TTBK2: variants seen among roughly 807,000 people sequenced by gnomAD.
TTBK2 encodes tau-tubulin kinase 2.
A neutral mutation model predicts 110.8 loss-of-function variants in TTBK2; 28 were observed. The ratio of observed to expected loss-of-function variants is 0.25; its 90% CI spans 0.19 to 0.35. The LOEUF (loss-of-function observed/expected upper bound fraction) is 0.35. Ranked by LOEUF, TTBK2 falls within the 10% of genes least tolerant of loss-of-function variation. TTBK2 has a pLI of 1.00. For synonymous variants in TTBK2, 532 were observed against 527.3 expected, an observed-to-expected ratio of 1.01 and a Z score of -0.12; for missense variants, 1,369 against 1,500.3, an observed-to-expected ratio of 0.91 and a Z score of 1.45.
chr15:42,823,508 C>T (rs1010272236), intron 6 of TTBK2, among the ~76,000 whole-genome samples: 1 of 152,158 alleles, frequency 6.6e-6, no homozygotes, highest in African/African-American at 2.4e-5. Flanking sequence ...CTCTGTAATG[C>T]CTTCTGACTG....
At chr15:42,910,089 T>G (rs1596050387) in intron 1 of TTBK2, among the ~76,000 whole-genome samples, 1 of 152,194 alleles carries the variant, frequency 6.6e-6, no homozygotes, top group East Asian at 1.9e-4. Flanking sequence ...GGCTTTATAA[T>G]TATTCCTTAA....
At chr15:42,791,477 T>G (rs532362553) in intron 10 of TTBK2, among the ~76,000 whole-genome samples, 1 of 147,710 alleles carries the variant, frequency 6.8e-6, no homozygotes, top group African/African-American at 2.6e-5. Flanking sequence ...TTATCTCATT[T>G]TCATTCTCTC....
chr15:42,851,778 C>T (rs922667554), intron 3 of TTBK2, among the ~76,000 whole-genome samples: 5 of 151,924 alleles, frequency 3.3e-5, no homozygotes, highest in South Asian at 4.1e-4. Flanking sequence ...CACAGGAAAC[C>T]GGTAACAGTA....
rs1253201527 is a variant in TTBK2 at position 42,752,426 on chromosome 15, A to G, written c.2820T>C (p.Thr940=). ...RKDMVRSSFV[T]RHSRIPVLAQ... Reference sequence around the variant, plus strand: ...CTAAAACAGGGATTCGGCTGTGTCTAGTTACAAAGGATGACCTAACCATAT... The same window carrying G: ...CTAAAACAGGGATTCGGCTGTGTCTGGTTACAAAGGATGACCTAACCATAT... The change falls in exon 14 of 15, where the codon ACT becomes ACC. Residue 940 remains threonine (T), a synonymous_variant. Coordinates refer to ENST00000267890, the MANE Select transcript of TTBK2 (RefSeq NM_173500.4). 6.2e-6 allele frequency: 10 copies of G among 1,614,080 alleles called. No individual in the cohort carries two copies. In the African/African-American group the frequency reaches 1.3e-4, roughly 22 times the overall value.
chr15:42,796,288 C>T (rs192162261), intron 9 of TTBK2, among the ~76,000 whole-genome samples: 3 of 152,178 alleles, frequency 2.0e-5, no homozygotes, highest in East Asian at 1.9e-4. Context: ...CCTGTAGTCC[C>T]GGCCACTCGG....
At chr15:42,917,296 C>T (rs1596058700) in intron 1 of TTBK2, among the ~76,000 whole-genome samples, 1 of 151,856 alleles carries the variant, frequency 6.6e-6, no homozygotes, top group South Asian at 2.1e-4. Flanking sequence ...TATATGTTCA[C>T]TTAAGCATCA....
chr15:42,778,629 T>C (rs1043569939), intron 11 of TTBK2, among the ~76,000 whole-genome samples: 1 of 151,958 alleles, frequency 6.6e-6, no homozygotes, highest in Non-Finnish European at 1.5e-5. Flanking sequence ...GATCGTGCCA[T>C]TGCACTCCAG....
intron 1 of TTBK2, among the ~76,000 whole-genome samples, chr15:42,883,211 G>A (rs1032091502): frequency 5.3e-5 from 8 of 151,632 alleles, no homozygotes; most frequent in African/African-American, 7.3e-5. Flanking sequence ...GAGAAACCCC[G>A]TCTCTTCTAA....
chr15:42,883,101 G>A (rs909286268), intron 1 of TTBK2, among the ~76,000 whole-genome samples: 1 of 152,158 alleles, frequency 6.6e-6, no homozygotes, highest in African/African-American at 2.4e-5. Flanking sequence ...AAGGTAGAGG[G>A]CTGGGCGCGG....
At chr15:42,881,486 T>C (rs1253702487) in intron 1 of TTBK2, among the ~76,000 whole-genome samples, 1 of 151,742 alleles carries the variant, frequency 6.6e-6, no homozygotes, top group East Asian at 1.9e-4. Context: ...TTAGGACTTA[T>C]CAGGAAAAAT....
chr15:42,895,350 C>G (rs549893906), intron 1 of TTBK2, among the ~76,000 whole-genome samples: 1 of 152,012 alleles, frequency 6.6e-6, no homozygotes, highest in South Asian at 2.1e-4. Flanking sequence ...ATTGAGGGTA[C>G]AGGGTAGGAA....
At chr15:42,771,481 T>C (rs142895257) in intron 13 of TTBK2, among the ~76,000 whole-genome samples, 204 of 152,242 alleles carry the variant, frequency 1.3e-3, no homozygotes, top group African/African-American at 4.8e-3. Context: ...ACCTGACAGG[T>C]TGGTGCCAAC....
chr15:42,843,677 T>C (rs538502550), intron 3 of TTBK2, among the ~76,000 whole-genome samples: 185 of 147,142 alleles, frequency 1.3e-3, no homozygotes, highest in African/African-American at 4.5e-3. Flanking sequence ...AAGAATCGCT[T>C]GAACCCGGGA....
chr15:42,828,081 C>G (rs775455310), intron 5 of TTBK2, 49 bp from the exon 6 acceptor site: 133 of 1,397,906 alleles, frequency 9.5e-5, no homozygotes, highest in Admixed American at 3.9e-4. Flanking sequence ...ATACTTAGTC[C>G]TTACATTTTA....
intron 13 of TTBK2, among the ~76,000 whole-genome samples, chr15:42,767,839 T>C (rs145244883): frequency 1.3e-5 from 2 of 152,202 alleles, no homozygotes; most frequent in Admixed American, 6.5e-5. Context: ...ATATCCCTGA[T>C]GAACATTGAT....
chr15:42,747,684 T>C (rs1394568276), intron 14 of TTBK2, among the ~76,000 whole-genome samples: 3 of 152,182 alleles, frequency 2.0e-5, no homozygotes, highest in Non-Finnish European at 4.4e-5. Flanking sequence ...GGGGAGGGCC[T>C]GCTATAAAGC....
At chr15:42,909,247 TC>T (rs1252755803) in intron 1 of TTBK2, among the ~76,000 whole-genome samples, 1 of 152,218 alleles carries the variant, frequency 6.6e-6, no homozygotes, top group African/African-American at 2.4e-5. Flanking sequence ...GCCTAAGCGA[TC>T]CTCCTGCCTC....
chr15:42,847,618 G>A (rs926575863), intron 3 of TTBK2, among the ~76,000 whole-genome samples: 4 of 152,146 alleles, frequency 2.6e-5, no homozygotes, highest in African/African-American at 9.7e-5. Flanking sequence ...TAGTTTAGGC[G>A]GAGGTTCATT....
chr15:42,875,017 T>C (rs986863632), intron 2 of TTBK2, among the ~76,000 whole-genome samples: 2 of 152,008 alleles, frequency 1.3e-5, no homozygotes, highest in African/African-American at 4.8e-5. Context: ...TATGATTCTT[T>C]ATATTTTGTC....
Sources: gnomAD v4.1 joint callset for allele counts (sites outside exome capture counted in the v4.1 genomes callset) on GRCh38, gnomAD v4.1.1 for gene constraint, MANE v1.5 for transcripts, NCBI Gene and HGNC (gene_info 2026-07-23, HGNC 2026-07-21) for gene names.